Variants in PIP observed in about 807,000 individuals in gnomAD.
PIP encodes the protein prolactin induced protein.
A neutral mutation model predicts 12.8 loss-of-function variants in PIP; 9 were observed. That is an observed-to-expected ratio of 0.70 (90% CI 0.42 to 1.23). The LOEUF is 1.23. PIP is among the 50% of genes most tolerant of loss of function. PIP has a pLI of 0.00. For missense variants in PIP, 172 were observed against 179.5 expected, an observed-to-expected ratio of 0.96 and a Z score of 0.24; for synonymous variants, 60 against 66.1, an observed-to-expected ratio of 0.91 and a Z score of 0.45.
chr7:143,135,219 GA>G lies in PIP; in HGVS notation c.122del (p.Asp41AlafsTer22). On this transcript the variant is annotated frameshift_variant, in exon 2 of 4. Coordinates refer to ENST00000291009, the MANE Select transcript of PIP (RefSeq NM_002652.3). LOFTEE classifies it high-confidence loss of function. ...NTRKIIIKNF[D>X]IPKSVRPNDE... ...TCGGAAGATCATAATAAAGAATTTT[GA>G]CATTCCCAAGTCAGTACGTCCAAAT... 2 of 1,591,390 alleles carry G rather than the reference GA, an allele frequency of 1.3e-6. No homozygotes were observed. Among genetic ancestry groups the G allele is most frequent in the Non-Finnish European group, 1.7e-6 (2 of 1,159,692 alleles).
rs376681325 is a variant in PIP at position 143,135,316 on chromosome 7, G to A, written c.201+17G>A. On this transcript the variant is annotated intron_variant, in intron 2 of 3. Transcript: ENST00000291009. The stretch of plus-strand genomic sequence containing the variant: ...TGCATGGTGGTAAGTAGAGGACTGG[G>A]GGCGTGACTTCAAAAGATAATTCAA... 4.2e-6 allele frequency: 5 copies of A among 1,197,618 alleles called. No individual in the cohort carries two copies. Among genetic ancestry groups the A allele is most frequent in the African/African-American group, 3.0e-5 (2 of 66,972 alleles). The allele number at this position is 1,197,618 out of a possible 1,614,324, so 74.2% of individuals were successfully genotyped here. A position where few individuals can be genotyped will look rare whatever the true frequency, so the allele number is the denominator to read the frequency against.
At chr7:143,138,556 C>T (rs927896397) in intron 2 of PIP, among the ~76,000 whole-genome samples, 1 of 152,138 alleles carries the variant, frequency 6.6e-6, no homozygotes, top group African/African-American at 2.4e-5. Context: ...TTAATTGTTT[C>T]CACCTCATAC....
At chr7:143,139,329 G>C (rs1339603572) in intron 3 of PIP, 140 bp downstream of exon 3, 1 of 822,620 alleles carries the variant, frequency 1.2e-6, no homozygotes, top group African/African-American at 1.7e-5. Context: ...GAAGAGCATG[G>C]GGAGAGCAGA....
intron 1 of PIP, among the ~76,000 whole-genome samples, chr7:143,132,431 G>T (rs938032868): frequency 6.6e-6 from 1 of 152,082 alleles, no homozygotes; most frequent in African/African-American, 2.4e-5. Context: ...ATTGCCAGTG[G>T]AAATAAAGCT....
At chr7:143,138,589 G>T (rs1167162906) in intron 2 of PIP, among the ~76,000 whole-genome samples, 1 of 152,136 alleles carries the variant, frequency 6.6e-6, no homozygotes, top group Non-Finnish European at 1.5e-5. Context: ...AGAGTGAGAG[G>T]CCTCTCATCA....
intron 1 of PIP, among the ~76,000 whole-genome samples, chr7:143,134,252 A>G (rs557744540): frequency 6.4e-4 from 77 of 120,644 alleles, no homozygotes; most frequent in Non-Finnish European, 1.0e-3. Flanking sequence ...TTCTTTATCC[A>G]CTCGTTGATT....
In PIP at chr7:143,139,546, T is replaced by A. The variant is rs760800030; in HGVS notation, c.345T>A (p.Asp115Glu). 1.2e-6 allele frequency: 2 copies of A among 1,613,300 alleles called. No homozygotes were observed. The highest frequency in any genetic ancestry group is 1.7e-6 in the Non-Finnish European group (2 of 1,179,260). Residue 115 changes from aspartate (D) to glutamate (E), a missense_variant, in exon 4 of 4, where the codon GAT becomes GAA. Coordinates refer to ENST00000291009, the MANE Select transcript of PIP (RefSeq NM_002652.3). ...CTGTGCAAATTGCAGCCGTCGTTGATGTTATTCGGGAATTAGGCATCTGCC... is the reference window on the plus strand; with the variant it reads ...CTGTGCAAATTGCAGCCGTCGTTGAAGTTATTCGGGAATTAGGCATCTGCC... ...NRTVQIAAVV[D>E]VIRELGICPD...
At chr7:143,137,671 G>T (rs980419975) in intron 2 of PIP, among the ~76,000 whole-genome samples, 1 of 152,046 alleles carries the variant, frequency 6.6e-6, no homozygotes, top group Non-Finnish European at 1.5e-5. Flanking sequence ...AGGCCAAAGT[G>T]GGCAGATCAC....
Position 143,139,669 on chromosome 7 carries a change from C to T in PIP, c.*27C>T. The T allele has an allele frequency of 1.3e-6, 2 of 1,590,124 alleles. No individual in the cohort carries two copies. Among genetic ancestry groups the T allele is most frequent in the Non-Finnish European group, 1.7e-6 (2 of 1,161,436 alleles). ...GGAAGCCCTGTCTGTTTGCCACACC[C>T]AGGTGATTTCCTCTAAAGAAACTTG... On this transcript the variant is annotated 3_prime_UTR_variant, in exon 4 of 4. Transcript: ENST00000291009.
chr7:143,139,224 C>T, intron 3 of PIP, 35 bp downstream of exon 3: 1 of 1,138,560 alleles, frequency 8.8e-7, no homozygotes, highest in Non-Finnish European at 1.3e-6. Flanking sequence ...GGGAACTACC[C>T]ACCAGCCACC....
At chr7:143,134,862 T>C (rs976809518) in intron 1 of PIP, among the ~76,000 whole-genome samples, 7 of 152,056 alleles carry the variant, frequency 4.6e-5, no homozygotes, top group African/African-American at 1.7e-4. Context: ...TAAACATGCA[T>C]GTGCAAGTAT....
chr7:143,134,212 ATATATATATATATATATATAT>A (rs1799276839), intron 1 of PIP, among the ~76,000 whole-genome samples: 3 of 129,428 alleles, frequency 2.3e-5, no homozygotes, highest in African/African-American at 5.8e-5. Context: ...ATATATATAT[ATATATATATATATATATATAT>A]ACCACAGTTT....
chr7:143,132,601 C>A (rs1275205747), intron 1 of PIP, among the ~76,000 whole-genome samples: 1 of 152,126 alleles, frequency 6.6e-6, no homozygotes, highest in Non-Finnish European at 1.5e-5. Flanking sequence ...TCTGTGAATT[C>A]CAATGGCAGC....
chr7:143,138,264 A>G (rs1046750748), intron 2 of PIP, among the ~76,000 whole-genome samples: 9 of 152,122 alleles, frequency 5.9e-5, no homozygotes, highest in Non-Finnish European at 1.2e-4. Flanking sequence ...GATGACATTC[A>G]TAACAGAAGG....
In PIP at chr7:143,139,561, A is replaced by G; in HGVS notation, c.360A>G (p.Leu120=). ...IAAVVDVIRE[L]GICPDDAAVI... is the part of the protein sequence containing the mutation. Reference sequence around the variant, plus strand: ...CCGTCGTTGATGTTATTCGGGAATTAGGCATCTGCCCTGATGATGCTGCTG... The same window carrying G: ...CCGTCGTTGATGTTATTCGGGAATTGGGCATCTGCCCTGATGATGCTGCTG... Residue 120 remains leucine, a synonymous_variant, in exon 4 of 4, where the codon TTA becomes TTG. Transcript: ENST00000291009. 6.2e-7 allele frequency: 1 copy of G among 1,612,250 alleles called. No homozygotes were observed. Among genetic ancestry groups the G allele is most frequent in the East Asian group, 2.2e-5 (1 of 44,888 alleles).
At chr7:143,134,845 G>A (rs1378766804) in intron 1 of PIP, among the ~76,000 whole-genome samples, 1 of 151,932 alleles carries the variant, frequency 6.6e-6, no homozygotes, top group Non-Finnish European at 1.5e-5. Flanking sequence ...TGTGAATTGT[G>A]CTACTATAAA....
chr7:143,135,123 T>C, intron 1 of PIP, 71 bp from the exon 2 acceptor site: 3 of 774,722 alleles, frequency 3.9e-6, no homozygotes, highest in South Asian at 3.1e-5. Context: ...CCTTGCCCTG[T>C]TCATGGCTCC....
At chr7:143,137,512 C>G (rs940761095) in intron 2 of PIP, among the ~76,000 whole-genome samples, 1 of 152,124 alleles carries the variant, frequency 6.6e-6, no homozygotes, top group Non-Finnish European at 1.5e-5. Flanking sequence ...ACACGTCCCA[C>G]GTGCCATGCT....
At chr7:143,132,349 T>C (rs1799251078) in intron 1 of PIP, 138 bp downstream of exon 1, 4 of 970,770 alleles carry the variant, frequency 4.1e-6, no homozygotes, top group South Asian at 1.6e-5. Flanking sequence ...ATGGATCTCC[T>C]GCCAGGTTCC....
Sources: gnomAD v4.1 joint callset for allele counts (sites outside exome capture counted in the v4.1 genomes callset) on GRCh38, gnomAD v4.1.1 for gene constraint, MANE v1.5 for transcripts, NCBI Gene and HGNC (gene_info 2026-07-23, HGNC 2026-07-21) for gene names.